RAPGEF5: variants seen among roughly 807,000 people sequenced by gnomAD.
RAPGEF5 encodes M-Ras-regulated GEF.
Under a neutral mutation model 125.2 loss-of-function variants are expected in RAPGEF5, and 65 were observed. The observed-to-expected ratio is 0.52, with a 90% CI of 0.43 to 0.64. The LOEUF (loss-of-function observed/expected upper bound fraction) is 0.64. Ranked by LOEUF, RAPGEF5 falls within the 30% of genes least tolerant of loss-of-function variation. RAPGEF5 has a pLI of 0.00. For missense variants in RAPGEF5, 958 were observed against 1,048.1 expected (o/e 0.91, Z 1.19); for synonymous variants, 391 against 385.9 (o/e 1.01, Z -0.16).
chr7:22,349,422 CAAA>C (rs34428356), intron 1 of RAPGEF5, among the ~76,000 whole-genome samples: 5 of 74,984 alleles, frequency 6.7e-5, no homozygotes, highest in Admixed American at 1.5e-4. Context: ...AGACTCCATC[CAAA>C]AAAAAAAAAA....
intron 6 of RAPGEF5, among the ~76,000 whole-genome samples, chr7:22,279,264 C>T (rs1477848254): frequency 1.3e-5 from 2 of 152,118 alleles, no homozygotes; most frequent in Non-Finnish European, 2.9e-5. Flanking sequence ...AAGTGTTAAT[C>T]CACTTAAAGA....
At chr7:22,137,019 C>G (rs772578014) in intron 21 of RAPGEF5, 36 bp from the exon 22 acceptor site, 5 of 1,486,706 alleles carry the variant, frequency 3.4e-6, no homozygotes, top group Middle Eastern at 1.7e-4. Flanking sequence ...CAGAAGGTCA[C>G]AGAAGTTGGT....
At chr7:22,208,901 C>A (rs999189828) in intron 9 of RAPGEF5, among the ~76,000 whole-genome samples, 5 of 152,312 alleles carry the variant, frequency 3.3e-5, no homozygotes, top group Admixed American at 3.3e-4. Context: ...AAATCACAAA[C>A]CACAAAGTGT....
chr7:22,214,115 A>C (rs1019807209), intron 9 of RAPGEF5, among the ~76,000 whole-genome samples: 3 of 152,196 alleles, frequency 2.0e-5, no homozygotes, highest in Non-Finnish European at 4.4e-5. Context: ...GCAGAATTCC[A>C]GGATGAGGCT....
At chr7:22,150,352 T>C in intron 18 of RAPGEF5, 55 bp downstream of exon 18, 2 of 1,558,390 alleles carry the variant, frequency 1.3e-6, no homozygotes, top group Non-Finnish European at 1.7e-6. Flanking sequence ...AGATTACAGG[T>C]ATGAGCCACC....
chr7:22,172,144 A>ATGGAGTCTCACTCTGGCACCCAGGC (rs1199218358), intron 11 of RAPGEF5, among the ~76,000 whole-genome samples: 3 of 151,682 alleles, frequency 2.0e-5, no homozygotes, highest in African/African-American at 7.3e-5. Context: ...TTTTTTTGAG[A>ATGGAGTCTCACTCTGGCACCCAGGC]TGGAGTCTCA....
intron 25 of RAPGEF5, among the ~76,000 whole-genome samples, chr7:22,124,946 T>C (rs56337702): frequency 0.054 from 8,153 of 152,268 alleles, 688 homozygotes; most frequent in African/African-American, 0.19. Context: ...CCATTGCCCA[T>C]GTGAAAGCTC....
chr7:22,169,970 C>T (rs1367791658), intron 11 of RAPGEF5, among the ~76,000 whole-genome samples: 1 of 149,258 alleles, frequency 6.7e-6, no homozygotes, highest in Non-Finnish European at 1.5e-5. Flanking sequence ...AAGATTATGC[C>T]ACTGCACTTT....
chr7:22,227,596 T>G (rs1785950702), intron 8 of RAPGEF5, among the ~76,000 whole-genome samples: 1 of 152,134 alleles, frequency 6.6e-6, no homozygotes, highest in Non-Finnish European at 1.5e-5. Context: ...TCTCGGTACC[T>G]GGGGAGGCTG....
At chr7:22,127,891 T>A (rs1782798551) in intron 24 of RAPGEF5, among the ~76,000 whole-genome samples, 1 of 152,244 alleles carries the variant, frequency 6.6e-6, no homozygotes, top group African/African-American at 2.4e-5. Flanking sequence ...TGCACTTCTA[T>A]TCGATAGTGG....
rs911957986 is a variant in RAPGEF5 at position 22,119,102 on chromosome 7, G to C, written c.*3304C>G. 6.6e-6 allele frequency: 1 copy of C among 152,222 alleles called. No individual in the cohort carries two copies. The highest frequency in any genetic ancestry group is 1.5e-5 in the Non-Finnish European group (1 of 68,046). 9.4% of individuals were successfully genotyped at this position (152,222 alleles called of 1,614,324 possible). A position where few individuals can be genotyped will look rare whatever the true frequency, so the allele number is the denominator to read the frequency against. On this transcript the variant is annotated 3_prime_UTR_variant, in exon 26 of 26. Transcript: ENST00000665637. The surrounding 1 kb of genome is among the most constrained non-coding windows in gnomAD (Gnocchi z 4.1). ...TTTAGGAACATTCAGTTCCGGATCT[G>C]CGGTGTCTGTGCTGGCTAGAACAGA...
intron 11 of RAPGEF5, among the ~76,000 whole-genome samples, chr7:22,185,073 G>A (rs796888611): frequency 5.8e-4 from 89 of 152,208 alleles, no homozygotes; most frequent in African/African-American, 2.1e-3. Flanking sequence ...CCTGATTTGG[G>A]GCTTATAGCT....
intron 9 of RAPGEF5, among the ~76,000 whole-genome samples, chr7:22,198,143 C>T (rs1047349577): frequency 2.0e-5 from 3 of 152,212 alleles, no homozygotes; most frequent in Admixed American, 6.5e-5. Context: ...CTGCCCACCT[C>T]AGTCTCCCAA....
At chr7:22,350,150 T>C (rs2158882) in intron 1 of RAPGEF5, among the ~76,000 whole-genome samples, 27,223 of 151,742 alleles carry the variant, frequency 0.18, 2,610 homozygotes, top group Admixed American at 0.23. Context: ...TTATGCAGTA[T>C]TGAGGCAAAA....
At chr7:22,150,866 A>G (rs1020821680) in intron 17 of RAPGEF5, among the ~76,000 whole-genome samples, 1 of 152,266 alleles carries the variant, frequency 6.6e-6, no homozygotes, top group Non-Finnish European at 1.5e-5. Context: ...TGATTTTTAT[A>G]TAACCATGTA....
intron 1 of RAPGEF5, among the ~76,000 whole-genome samples, chr7:22,320,170 C>A (rs1423395340): frequency 6.6e-6 from 1 of 152,174 alleles, no homozygotes; most frequent in East Asian, 1.9e-4. Flanking sequence ...TCCCTTGAAA[C>A]CCTCTCTTCA....
intron 1 of RAPGEF5, among the ~76,000 whole-genome samples, chr7:22,319,803 A>T (rs1783676619): frequency 6.6e-6 from 1 of 152,098 alleles, no homozygotes; most frequent in African/African-American, 2.4e-5. Flanking sequence ...GAAGCAAAAT[A>T]GTTTATATAA....
chr7:22,251,865 C>T (rs1348214121), intron 7 of RAPGEF5, among the ~76,000 whole-genome samples: 21 of 147,518 alleles, frequency 1.4e-4, no homozygotes, highest in African/African-American at 2.3e-4. Context: ...ATATAAATTG[C>T]TCTCCCCTTT....
At chr7:22,138,034 C>CACACAT (rs398003963) in intron 21 of RAPGEF5, among the ~76,000 whole-genome samples, 1 of 144,486 alleles carries the variant, frequency 6.9e-6, no homozygotes, top group East Asian at 2.0e-4. Context: ...CACACACACA[C>CACACAT]GCACGCACGC....
Sources: gnomAD v4.1 joint callset for allele counts (sites outside exome capture counted in the v4.1 genomes callset) on GRCh38, gnomAD v4.1.1 for gene constraint, Gnocchi (gnomAD v3.1) non-coding constraint, MANE v1.5 for transcripts, NCBI Gene and HGNC (gene_info 2026-07-23, HGNC 2026-07-21) for gene names.